ENDOV: variants seen among roughly 807,000 people sequenced by gnomAD.
ENDOV encodes the protein endonuclease V.
A neutral mutation model predicts 39.4 loss-of-function variants in ENDOV; 37 were observed. The ratio of observed to expected loss-of-function variants is 0.94; its 90% CI spans 0.72 to 1.23. ENDOV has a LOEUF of 1.23. Ranked by LOEUF, ENDOV falls within the 50% of genes most tolerant of loss-of-function variation. ENDOV has a pLI of 0.00. For missense variants in ENDOV, 441 were observed against 375.7 expected (o/e 1.17, Z -1.44); for synonymous variants, 186 against 163.4 (o/e 1.14, Z -1.05).
At chr17:80,418,726 TGAG>T (rs2081533917) in intron 2 of ENDOV, 1 of 152,066 alleles carries the variant, frequency 6.6e-6, no homozygotes, top group South Asian at 2.1e-4. Flanking sequence ...TGACTGCTGA[TGAG>T]GATGAGGTTT....
At chr17:80,422,400 G>A (rs1239974472) in intron 4 of ENDOV, among the ~76,000 whole-genome samples, 155 bp downstream of exon 4, 1 of 150,856 alleles carries the variant, frequency 6.6e-6, no homozygotes, top group Non-Finnish European at 1.5e-5. Context: ...GACGCGCAGT[G>A]CGCTCAGCCC....
At chr17:80,415,340 A>C in intron 1 of ENDOV, 90 bp downstream of exon 1, 1 of 1,468,668 alleles carries the variant, frequency 6.8e-7, no homozygotes, top group Non-Finnish European at 9.3e-7. Flanking sequence ...CAGGCTGTGG[A>C]ATCGGAGCTG....
At chr17:80,427,282 C>A (rs1011845634) in intron 7 of ENDOV, 2 of 286,772 alleles carry the variant, frequency 7.0e-6, no homozygotes, top group Non-Finnish European at 1.0e-5. Flanking sequence ...AAGAAACTGT[C>A]CCCCAGGCCT....
intron 2 of ENDOV, 131 bp from the exon 3 acceptor site, chr17:80,421,696 AG>A: frequency 8.4e-7 from 1 of 1,196,616 alleles, no homozygotes; most frequent in Non-Finnish European, 1.2e-6. Flanking sequence ...CTCATAGGTG[AG>A]GCAGGGAAGG....
chr17:80,436,084 C>T (rs750845202), intron 9 of ENDOV, 49 bp from the exon 10 acceptor site: 56 of 1,594,634 alleles, frequency 3.5e-5, no homozygotes, highest in Middle Eastern at 1.7e-4. Context: ...CCACTCTGAA[C>T]GCCTTTTATT....
Sources: allele counts gnomAD v4.1 joint callset (sites outside exome capture counted in the v4.1 genomes callset), GRCh38; gene constraint gnomAD v4.1.1; transcripts MANE v1.5; gene names NCBI Gene and HGNC (gene_info 2026-07-23, HGNC 2026-07-21).